Variants in MAGI1 observed in about 807,000 individuals in gnomAD.
The protein encoded by MAGI1 is membrane associated guanylate kinase, WW and PDZ domain containing 1.
In MAGI1, 58 loss-of-function variants were observed where a neutral mutation model predicts 139.9. That is an observed-to-expected ratio of 0.41 (90% CI 0.34 to 0.52). The LOEUF is 0.52. MAGI1 is among the 20% of genes least tolerant of loss of function. The pLI is 0.12. For missense variants in MAGI1, 1,874 were observed against 1,901.6 expected, an observed-to-expected ratio of 0.99 and a Z score of 0.27; for synonymous variants, 812 against 737.9, an observed-to-expected ratio of 1.10 and a Z score of -1.63.
At chr3:65,399,127 T>C (rs546692117) in intron 13 of MAGI1, among the ~76,000 whole-genome samples, 2 of 152,302 alleles carry the variant, frequency 1.3e-5, no homozygotes, top group Admixed American at 1.3e-4. Context: ...AAGACCACTG[T>C]GCACATATGC....
At chr3:65,598,448 G>A (rs908453641) in intron 2 of MAGI1, among the ~76,000 whole-genome samples, 2 of 152,200 alleles carry the variant, frequency 1.3e-5, no homozygotes, top group African/African-American at 4.8e-5. Context: ...AAGAGCAAGG[G>A]ACAGAAGTCC....
chr3:65,588,182 C>T (rs750925706), intron 2 of MAGI1, among the ~76,000 whole-genome samples: 9 of 152,118 alleles, frequency 5.9e-5, no homozygotes, highest in East Asian at 1.9e-4. Flanking sequence ...GGGAAGCTGC[C>T]GGAAACTCTA....
chr3:65,784,257 G>A (rs933838850), intron 1 of MAGI1, among the ~76,000 whole-genome samples: 1 of 152,124 alleles, frequency 6.6e-6, no homozygotes, highest in Admixed American at 6.5e-5. Context: ...GCTAAACATG[G>A]AGTTACCACA....
At chr3:65,683,508 T>TCA (rs2087743041) in intron 1 of MAGI1, among the ~76,000 whole-genome samples, 1 of 151,634 alleles carries the variant, frequency 6.6e-6, no homozygotes, top group Admixed American at 6.6e-5. Context: ...AGACAAGCTA[T>TCA]AGGCTGAGAG....
Position 65,391,122 on chromosome 3 carries a change from G to A in MAGI1, c.2416+20C>T, listed in dbSNP as rs535975008. 2.5e-6 allele frequency: 4 copies of A among 1,609,054 alleles called. No homozygotes were observed. Among genetic ancestry groups the A allele is most frequent in the Non-Finnish European group, 3.4e-6 (4 of 1,175,550 alleles). On this transcript the variant is annotated intron_variant, in intron 14 of 22. Coordinates refer to ENST00000402939, the MANE Select transcript of MAGI1 (RefSeq NM_001033057.2). ...CCTGCGGAGGGGTCAGGGTAAGACA[G>A]AGGCCAGGATGCTACTCACGTCGGT...
chr3:65,564,197 G>A (rs944568846), intron 2 of MAGI1, among the ~76,000 whole-genome samples: 1 of 151,930 alleles, frequency 6.6e-6, no homozygotes, highest in African/African-American at 2.4e-5. Flanking sequence ...ATGACCTCAT[G>A]AAGCCTGGAC....
At chr3:65,903,136 T>C (rs1056669023) in intron 1 of MAGI1, among the ~76,000 whole-genome samples, 2 of 152,084 alleles carry the variant, frequency 1.3e-5, no homozygotes, top group South Asian at 2.1e-4. Context: ...CTAGGACTAC[T>C]GGCACACACC....
Position 65,708,102 on chromosome 3 carries a change from T to C in MAGI1, c.314-86014A>G, listed in dbSNP as rs554732095. ...ACCCCTATAAATGTAACCCACTTCCTGGAGTTGAAAAATAATCTTTAGAAT... is the reference window on the plus strand; with the variant it reads ...ACCCCTATAAATGTAACCCACTTCCCGGAGTTGAAAAATAATCTTTAGAAT... On this transcript the variant is annotated intron_variant, in intron 1 of 22. Coordinates refer to ENST00000402939, the MANE Select transcript of MAGI1 (RefSeq NM_001033057.2). Among the ~76,000 whole-genome samples the C allele has an allele frequency of 2.0e-5, 3 of 152,334 alleles. No individual in the cohort carries two copies. In the East Asian group the frequency reaches 5.8e-4, roughly 29 times the overall value.
At chr3:65,766,880 C>T (rs761040574) in intron 1 of MAGI1, among the ~76,000 whole-genome samples, 7 of 152,078 alleles carry the variant, frequency 4.6e-5, no homozygotes, top group African/African-American at 7.2e-5. Context: ...CAGAGCGAGA[C>T]TCCATCTCAA....
intron 1 of MAGI1, among the ~76,000 whole-genome samples, chr3:65,840,862 G>C (rs2058779623): frequency 6.6e-6 from 1 of 152,106 alleles, no homozygotes; most frequent in African/African-American, 2.4e-5. Flanking sequence ...ATATACAGTT[G>C]CTATTAATTC....
intron 1 of MAGI1, among the ~76,000 whole-genome samples, chr3:65,747,335 A>G (rs2035791835): frequency 1.3e-5 from 2 of 152,160 alleles, no homozygotes; most frequent in African/African-American, 2.4e-5. Flanking sequence ...TCCAGAGGCT[A>G]CAGGCCTGAA....
chr3:65,482,222 T>C (rs1042660857), intron 3 of MAGI1, among the ~76,000 whole-genome samples: 4 of 152,218 alleles, frequency 2.6e-5, no homozygotes, highest in Non-Finnish European at 4.4e-5. Context: ...AACTTGGGAT[T>C]CTAAGAGAAC....
intron 2 of MAGI1, among the ~76,000 whole-genome samples, chr3:65,600,444 T>C (rs551571565): frequency 6.6e-6 from 1 of 152,192 alleles, no homozygotes; most frequent in African/African-American, 2.4e-5. Flanking sequence ...AAAGAGTCCA[T>C]GAAAATCTAC....
At chr3:65,539,438 C>T (rs1464615022) in intron 2 of MAGI1, among the ~76,000 whole-genome samples, 2 of 152,242 alleles carry the variant, frequency 1.3e-5, no homozygotes, top group Admixed American at 1.3e-4. Context: ...ATATCAGCTA[C>T]TGTCAAAGAG....
intron 1 of MAGI1, among the ~76,000 whole-genome samples, chr3:65,737,106 A>T (rs13324355): frequency 1.3e-4 from 19 of 151,466 alleles, no homozygotes; most frequent in African/African-American, 4.6e-4. Flanking sequence ...CTGGGTTCAC[A>T]CCATTCTCCT....
At chr3:65,980,874 C>T (rs569421614) in intron 1 of MAGI1, among the ~76,000 whole-genome samples, 4 of 152,112 alleles carry the variant, frequency 2.6e-5, no homozygotes, top group Non-Finnish European at 5.9e-5. Context: ...AATTTAATTT[C>T]CCGGCCAGGT....
chr3:65,952,404 AG>A (rs1014470912), intron 1 of MAGI1, among the ~76,000 whole-genome samples: 3 of 152,246 alleles, frequency 2.0e-5, no homozygotes, highest in African/African-American at 7.2e-5. Flanking sequence ...CAAAGGGAAC[AG>A]GAAGAACAGC....
intron 1 of MAGI1, among the ~76,000 whole-genome samples, chr3:65,690,016 G>C (rs1325637975): frequency 6.6e-6 from 1 of 152,060 alleles, no homozygotes; most frequent in African/African-American, 2.4e-5. Context: ...CAATGAGGTT[G>C]ACCCTACTCC....
In MAGI1 at chr3:65,618,990, A is replaced by G. The variant is rs557518942; in HGVS notation, c.430+2982T>C. ...TAAATATAATTAAATTTCAACTAAC[A>G]TGCCCTTTCTTCTTACTGTAGAAAT... On this transcript the variant is annotated intron_variant, in intron 2 of 22. Coordinates refer to ENST00000402939, the MANE Select transcript of MAGI1 (RefSeq NM_001033057.2). Among the ~76,000 whole-genome samples, 3 of 152,300 alleles carry G rather than the reference A, an allele frequency of 2.0e-5. No homozygotes were observed. In the South Asian group the frequency reaches 6.2e-4, roughly 32 times the overall value.
Sources: allele counts gnomAD v4.1 joint callset (sites outside exome capture counted in the v4.1 genomes callset), GRCh38; gene constraint gnomAD v4.1.1; transcripts MANE v1.5; gene names NCBI Gene and HGNC (gene_info 2026-07-23, HGNC 2026-07-21).